Variants in CPLANE1 observed in about 807,000 individuals in gnomAD.
CPLANE1 encodes the protein ciliogenesis and planar polarity effector complex subunit 1.
A neutral mutation model predicts 362.5 loss-of-function variants in CPLANE1; 263 were observed. That is an observed-to-expected ratio of 0.73 (90% CI 0.66 to 0.80). CPLANE1 has a LOEUF of 0.80. Among genes scored for constraint, CPLANE1 ranks in the 30% least tolerant of loss-of-function variants. The probability of loss-of-function intolerance (pLI) is 0.00; values close to 1 mark genes in which losing one functional copy is unlikely to be tolerated. For synonymous variants in CPLANE1, 1,212 were observed against 1,302.6 expected (o/e 0.93, Z 1.50); for missense variants, 3,461 against 3,793.4 (o/e 0.91, Z 2.30).
chr5:37,202,921 TTATC>T (rs1789618031), intron 18 of CPLANE1, among the ~76,000 whole-genome samples: 2 of 150,600 alleles, frequency 1.3e-5, no homozygotes, highest in South Asian at 4.1e-4. Flanking sequence ...TTGTATATAT[TTATC>T]TTTCTTTATA....
chr5:37,165,932 C>T (rs940613999), intron 35 of CPLANE1, among the ~76,000 whole-genome samples: 3 of 152,114 alleles, frequency 2.0e-5, no homozygotes, highest in Non-Finnish European at 4.4e-5. Flanking sequence ...GTTTACACAC[C>T]TTAGGTAATT....
intron 43 of CPLANE1, 66 bp from the exon 44 acceptor site, chr5:37,142,546 C>T: frequency 4.6e-6 from 5 of 1,090,030 alleles, no homozygotes; most frequent in Non-Finnish European, 6.3e-6. Context: ...ATGGAAAAGA[C>T]AATTGCCACT....
intron 21 of CPLANE1, among the ~76,000 whole-genome samples, chr5:37,188,412 T>C (rs1362616423): frequency 6.6e-6 from 1 of 152,242 alleles, no homozygotes; most frequent in Non-Finnish European, 1.5e-5. Context: ...TAGGACCTTT[T>C]CAACGGGGTG....
intron 20 of CPLANE1, among the ~76,000 whole-genome samples, chr5:37,197,336 T>G (rs1300383849): frequency 1.3e-5 from 2 of 152,182 alleles, no homozygotes; most frequent in Non-Finnish European, 2.9e-5. Context: ...GGAAGCATGC[T>G]AATGACAGAC....
chr5:37,153,991 G>A lies in CPLANE1; in HGVS notation c.8122C>T (p.Leu2708=), dbSNP rs568122825. The part of the protein sequence containing the change: ...TPSDIQQNKG[L]PKPEFRFKGQ... Reference sequence around the variant, plus strand: ...TTGAATCGGAACTCTGGTTTTGGCAGACCTAAATATTAATAAGAATAAAAG... The same window carrying A: ...TTGAATCGGAACTCTGGTTTTGGCAAACCTAAATATTAATAAGAATAAAAG... Residue 2708 remains leucine, a splice_region_variant and synonymous_variant, in exon 42 of 53, where the codon CTG becomes TTG. Coordinates refer to ENST00000651892, the MANE Select transcript of CPLANE1 (RefSeq NM_001384732.1). The A allele has an allele frequency of 6.2e-7, 1 of 1,601,354 alleles. No homozygotes were observed. The highest frequency in any genetic ancestry group is 1.7e-5 in the Admixed American group (1 of 58,644).
intron 46 of CPLANE1, among the ~76,000 whole-genome samples, chr5:37,132,195 GA>G (rs1766036444): frequency 6.6e-6 from 1 of 151,968 alleles, no homozygotes; most frequent in African/African-American, 2.4e-5. Context: ...TCTGGTAATA[GA>G]AAAATATTGT....
At position 37,196,518 on chromosome 5, in the gene CPLANE1, TAG is replaced by T. The variant is rs538426875; in HGVS notation, c.3673-524_3673-523del. ...CTGAGGGGTTGACGGGGATACTTGA[TAG>T]AGGGTGTGACACGATCCAAACTCAA... On this transcript the variant is annotated intron_variant, in intron 20 of 52. Coordinates refer to ENST00000651892, the MANE Select transcript of CPLANE1 (RefSeq NM_001384732.1). 1.6e-4 allele frequency among the ~76,000 whole-genome samples: 24 copies of T among 152,208 alleles called. No homozygotes were observed. The East Asian group carries it at 4.6e-3, about 29-fold the overall frequency.
intron 31 of CPLANE1, 37 bp downstream of exon 31, chr5:37,175,872 A>G: frequency 7.2e-7 from 1 of 1,392,174 alleles, no homozygotes; most frequent in East Asian, 2.3e-5. Flanking sequence ...GTAAAACACA[A>G]CTATTTTTAA....
chr5:37,147,966 C>T (rs1019496297), intron 43 of CPLANE1, among the ~76,000 whole-genome samples: 3 of 90,974 alleles, frequency 3.3e-5, no homozygotes, highest in African/African-American at 5.4e-5. Flanking sequence ...AGGTTACTGC[C>T]TTCTCAAAAA....
At chr5:37,167,516 C>G (rs868217346) in intron 34 of CPLANE1, among the ~76,000 whole-genome samples, 1 of 152,174 alleles carries the variant, frequency 6.6e-6, no homozygotes, top group African/African-American at 2.4e-5. Flanking sequence ...CAGTGGCTCA[C>G]GCCTGTAATC....
rs10655258 is a variant in CPLANE1 at position 37,217,606 on chromosome 5, C to CAAATAAATAAAT, written c.2746+3706_2746+3717dup. On this transcript the variant is annotated intron_variant, in intron 15 of 52. Transcript: ENST00000651892. ...TGGGCGACAGAGCGAGACACCATCT[C>CAAATAAATAAAT]AAATAAATAAATAAATAAATAAATA... 7.1e-3 allele frequency among the ~76,000 whole-genome samples: 1,044 copies of CAAATAAATAAAT among 147,936 alleles called. 14 individuals are homozygous for CAAATAAATAAAT. Among genetic ancestry groups the CAAATAAATAAAT allele is most frequent in the African/African-American group, 0.023 (896 of 38,932 alleles).
At chr5:37,127,123 G>C (rs1764357194) in intron 46 of CPLANE1, among the ~76,000 whole-genome samples, 1 of 152,144 alleles carries the variant, frequency 6.6e-6, no homozygotes, top group South Asian at 2.1e-4. Flanking sequence ...ACCCCACTGG[G>C]AAAAGACTCT....
intron 23 of CPLANE1, among the ~76,000 whole-genome samples, chr5:37,186,973 A>G (rs1488090938): frequency 1.4e-5 from 2 of 146,640 alleles, no homozygotes. Flanking sequence ...AGGCAGGAGA[A>G]TGGCGTGAAC....
chr5:37,173,098 A>G (rs1461979107), intron 32 of CPLANE1, among the ~76,000 whole-genome samples: 1 of 152,224 alleles, frequency 6.6e-6, no homozygotes, highest in Non-Finnish European at 1.5e-5. Context: ...ATGTAGGACA[A>G]ATGAGCAGAG....
chr5:37,150,618 CTGT>C (rs1159864152), intron 42 of CPLANE1, among the ~76,000 whole-genome samples: 1 of 152,176 alleles, frequency 6.6e-6, no homozygotes, highest in Non-Finnish European at 1.5e-5. Flanking sequence ...CTGTGAATCT[CTGT>C]TGTCTTCTTC....
intron 8 of CPLANE1, among the ~76,000 whole-genome samples, chr5:37,237,880 A>T (rs1358051729): frequency 6.6e-6 from 1 of 152,012 alleles, no homozygotes; most frequent in East Asian, 1.9e-4. Flanking sequence ...GGCCTTCCTT[A>T]TATAAAGTGA....
intron 12 of CPLANE1, 74 bp downstream of exon 12, chr5:37,226,230 A>G: frequency 2.1e-6 from 2 of 932,228 alleles, no homozygotes; most frequent in Non-Finnish European, 3.1e-6. Context: ...CAATATGGGA[A>G]TTGTAGCTCA....
At chr5:37,076,344 G>A in the CPLANE1 span, among the ~76,000 whole-genome samples, 9 of 150,084 alleles carry the variant, frequency 6.0e-5, no homozygotes, top group African/African-American at 2.2e-4. Context: ...TTGTTTTTTT[G>A]AGACAAGGTC....
chr5:37,091,571 T>C, the CPLANE1 span, among the ~76,000 whole-genome samples: 4 of 152,146 alleles, frequency 2.6e-5, no homozygotes, highest in African/African-American at 9.7e-5. Context: ...CCAACACTAT[T>C]GGCACAAGCC....
Sources: allele counts gnomAD v4.1 joint callset (sites outside exome capture counted in the v4.1 genomes callset), GRCh38; gene constraint gnomAD v4.1.1; transcripts MANE v1.5; gene names NCBI Gene and HGNC (gene_info 2026-07-23, HGNC 2026-07-21).